MED13L: variants seen among roughly 807,000 people sequenced by gnomAD.
MED13L encodes mediator complex subunit 13L.
In MED13L, 7 loss-of-function variants were observed where a neutral mutation model predicts 220.9. That is an observed-to-expected ratio of 0.03 (90% CI 0.02 to 0.06). The LOEUF is 0.06. MED13L is among the 10% of genes least tolerant of loss of function. MED13L has a pLI of 1.00. For missense variants in MED13L, 1,965 were observed against 2,760.5 expected (o/e 0.71, Z 6.46); for synonymous variants, 1,011 against 1,015.2 (o/e 1.00, Z 0.08).
chr12:116,074,613 T>G (rs575931961), intron 4 of MED13L, among the ~76,000 whole-genome samples: 20 of 152,350 alleles, frequency 1.3e-4, no homozygotes, highest in Non-Finnish European at 2.2e-4. Flanking sequence ...GATTTACTAT[T>G]AAGCACCAGT....
rs1005783459 is a variant in MED13L, at chr12:116,132,279, C to CAA, written c.311-20769_311-20768dup. Reference sequence around the variant, plus strand: ...TGGGCAAGAGAGCAATACTTCGTCTCAAAAAAAAAAAAAAAAAAAAAATCA... The same window carrying CAA: ...TGGGCAAGAGAGCAATACTTCGTCTCAAAAAAAAAAAAAAAAAAAAAAAATCA... On this transcript the variant is annotated intron_variant, in intron 2 of 30. Coordinates refer to ENST00000281928, the MANE Select transcript of MED13L (RefSeq NM_015335.5). Among the ~76,000 whole-genome samples, 63 of 77,210 alleles carry CAA rather than the reference C, an allele frequency of 8.2e-4. 1 individual carries two copies. Among genetic ancestry groups the CAA allele is most frequent in the African/African-American group, 1.7e-3 (37 of 21,382 alleles). 50.7% of individuals were successfully genotyped at this position (77,210 alleles called of 152,430 possible).
chr12:116,195,901 A>C (rs1025188339), intron 2 of MED13L, among the ~76,000 whole-genome samples: 1 of 152,194 alleles, frequency 6.6e-6, no homozygotes, highest in Non-Finnish European at 1.5e-5. Context: ...AAAATAAGCA[A>C]TGGAAATGAA....
intron 1 of MED13L, among the ~76,000 whole-genome samples, chr12:116,245,344 A>G (rs917618763): frequency 6.6e-6 from 1 of 152,202 alleles, no homozygotes; most frequent in Non-Finnish European, 1.5e-5. Flanking sequence ...CCCCAACTAA[A>G]GAGCCCACCC....
At chr12:116,270,809 G>A (rs1278343180) in intron 1 of MED13L, among the ~76,000 whole-genome samples, 3 of 151,782 alleles carry the variant, frequency 2.0e-5, no homozygotes, top group South Asian at 2.1e-4. Flanking sequence ...TTGGGAGGCC[G>A]AGGCGGGCGG....
At chr12:116,107,057 T>C (rs1873653343) in intron 3 of MED13L, among the ~76,000 whole-genome samples, 1 of 152,178 alleles carries the variant, frequency 6.6e-6, no homozygotes, top group Admixed American at 6.5e-5. Context: ...TTCACCATGT[T>C]ACTGGTGAAG....
intron 2 of MED13L, among the ~76,000 whole-genome samples, chr12:116,162,100 A>G (rs1439143989): frequency 1.3e-5 from 2 of 152,230 alleles, no homozygotes; most frequent in Admixed American, 6.5e-5. Context: ...CTGCAACTGT[A>G]AGAAAGCAGA....
chr12:116,020,885 A>AT (rs1043452986), intron 5 of MED13L, among the ~76,000 whole-genome samples: 25 of 152,044 alleles, frequency 1.6e-4, no homozygotes, highest in African/African-American at 5.5e-4. Context: ...CTTTTTTTTA[A>AT]TTTTTTTAAA....
intron 2 of MED13L, among the ~76,000 whole-genome samples, chr12:116,134,283 C>A (rs1320830623): frequency 6.6e-6 from 1 of 152,126 alleles, no homozygotes; most frequent in East Asian, 1.9e-4. Context: ...AAGCAGTATA[C>A]TGAGAGACGA....
intron 1 of MED13L, among the ~76,000 whole-genome samples, chr12:116,248,076 C>T (rs370943920): frequency 7.9e-5 from 12 of 152,174 alleles, no homozygotes; most frequent in African/African-American, 2.9e-4. Context: ...GAAATCTAAA[C>T]ATGTCATATG....
chr12:116,168,450 G>C (rs185903897), intron 2 of MED13L, among the ~76,000 whole-genome samples: 1 of 151,882 alleles, frequency 6.6e-6, no homozygotes, highest in African/African-American at 2.4e-5. Flanking sequence ...ACACTAACAG[G>C]CCTTCTTATA....
chr12:116,250,916 T>C lies in MED13L; in HGVS notation c.73-13211A>G, dbSNP rs909833843. On this transcript the variant is annotated intron_variant, in intron 1 of 30. Coordinates refer to ENST00000281928, the MANE Select transcript of MED13L (RefSeq NM_015335.5). ...AAGAAGAAAAAAAGTATGACAACAA[T>C]AGCACAAAGGCCAGAAGGAGAAAAT... 2.6e-5 allele frequency among the ~76,000 whole-genome samples: 4 copies of C among 151,182 alleles called. 1 individual carries two copies. The highest frequency in any genetic ancestry group is 4.2e-4 in the South Asian group (2 of 4,812).
At chr12:115,992,464 T>C (rs1426735905) in intron 16 of MED13L, among the ~76,000 whole-genome samples, 2 of 152,172 alleles carry the variant, frequency 1.3e-5, no homozygotes, top group African/African-American at 4.8e-5. Flanking sequence ...CTATATATCA[T>C]ATCAAAGTAG....
chr12:116,257,158 T>A (rs761879812), intron 1 of MED13L, among the ~76,000 whole-genome samples: 4 of 152,228 alleles, frequency 2.6e-5, no homozygotes, highest in Non-Finnish European at 5.9e-5. Flanking sequence ...GTGAAATTTC[T>A]GGGAATTGAA....
intron 4 of MED13L, among the ~76,000 whole-genome samples, chr12:116,068,970 T>C (rs554174811): frequency 9.2e-5 from 14 of 152,184 alleles, no homozygotes; most frequent in Non-Finnish European, 1.9e-4. Flanking sequence ...AATGCAGCAC[T>C]AACGTCATTA....
chr12:116,172,268 T>C (rs1879734330), intron 2 of MED13L, among the ~76,000 whole-genome samples: 1 of 152,144 alleles, frequency 6.6e-6, no homozygotes, highest in Non-Finnish European at 1.5e-5. Context: ...AATGAAAGAA[T>C]CACATTTCCG....
intron 25 of MED13L, among the ~76,000 whole-genome samples, chr12:115,972,664 T>C (rs551436515): frequency 2.6e-4 from 40 of 152,152 alleles, no homozygotes; most frequent in Non-Finnish European, 4.9e-4. Flanking sequence ...TTGTTTATTG[T>C]TGTAGGTTAG....
chr12:116,269,916 T>C (rs576286983), intron 1 of MED13L, among the ~76,000 whole-genome samples: 3 of 151,108 alleles, frequency 2.0e-5, no homozygotes, highest in African/African-American at 7.3e-5. Context: ...TCTCCTGTCA[T>C]CTAGAAAGAA....
At position 116,019,824 on chromosome 12, in the gene MED13L, C is replaced by T. The variant is rs781438011; in HGVS notation, c.774G>A (p.Glu258=). 8.1e-6 allele frequency: 13 copies of T among 1,613,904 alleles called. No homozygotes were observed. The South Asian group carries it at 1.2e-4, about 15-fold the overall frequency. Residue 258 remains glutamate (E), a synonymous_variant, in exon 6 of 31, where the codon GAG becomes GAA. Coordinates refer to ENST00000281928, the MANE Select transcript of MED13L (RefSeq NM_015335.5). The part of the protein sequence containing the change: ...KKKEESKEED[E]LGYDDDFPVA... ...CAGGGAAATCATCATCATATCCCAACTCGTCTTCCTCTTTCGATTCTTCTT... is the reference window on the plus strand; with the variant it reads ...CAGGGAAATCATCATCATATCCCAATTCGTCTTCCTCTTTCGATTCTTCTT...
intron 29 of MED13L, among the ~76,000 whole-genome samples, chr12:115,965,187 TTACTCC>T (rs1876061293): frequency 6.6e-6 from 1 of 152,212 alleles, no homozygotes; most frequent in Admixed American, 6.5e-5. Flanking sequence ...ATCTTATAGA[TTACTCC>T]ATGGTAATCT....
Sources: gnomAD v4.1 joint callset for allele counts (sites outside exome capture counted in the v4.1 genomes callset) on GRCh38, gnomAD v4.1.1 for gene constraint, MANE v1.5 for transcripts, NCBI Gene and HGNC (gene_info 2026-07-23, HGNC 2026-07-21) for gene names.